The following TRPM6 variants were observed in gnomAD, a reference collection of about 807,000 sequenced individuals.
TRPM6 encodes channel kinase 2.
Under a neutral mutation model 247.6 loss-of-function variants are expected in TRPM6, and 111 were observed. The ratio of observed to expected loss-of-function variants is 0.45; its 90% CI spans 0.38 to 0.52. The LOEUF is 0.52. Among genes scored for constraint, TRPM6 ranks in the 20% least tolerant of loss-of-function variants. The pLI is 0.00. For synonymous variants in TRPM6, 892 were observed against 853.8 expected, an observed-to-expected ratio of 1.04 and a Z score of -0.78; for missense variants, 2,126 against 2,421.5, an observed-to-expected ratio of 0.88 and a Z score of 2.56.
chr9:74,761,781 T>C lies in TRPM6; in HGVS notation c.4700A>G (p.Gln1567Arg), dbSNP rs147001953. ...CATTTTCGCTTTGACCCATGCTCCC[T>C]GCCCTATTTCTGAAGAGCCTGAAAG... ...KNLSGSSEIG[Q>R]GAWVKAKMLT... The change falls in exon 27 of 39, where the codon CAG becomes CGG. Residue 1567 changes from glutamine to arginine, a missense_variant. This residue lies in a region of TRPM6 where 717 missense variants were observed against 715.9 expected (regional missense o/e 1.00). Transcript: ENST00000360774. The C allele has an allele frequency of 8.7e-6, 14 of 1,613,896 alleles. No homozygotes were observed. The East Asian group carries it at 1.8e-4, about 21-fold the overall frequency.
At chr9:74,882,447 A>G (rs1002276100) in intron 1 of TRPM6, among the ~76,000 whole-genome samples, 24 of 152,238 alleles carry the variant, frequency 1.6e-4, no homozygotes, top group African/African-American at 5.5e-4. Context: ...AGAGTGGGCA[A>G]AGGACATGAA....
intron 3 of TRPM6, among the ~76,000 whole-genome samples, chr9:74,846,982 C>T (rs1459584234): frequency 6.6e-6 from 1 of 152,152 alleles, no homozygotes; most frequent in African/African-American, 2.4e-5. Flanking sequence ...CCACACATGG[C>T]TCCATGCACT....
intron 21 of TRPM6, among the ~76,000 whole-genome samples, chr9:74,784,520 A>G (rs1283108192): frequency 1.3e-5 from 2 of 152,166 alleles, no homozygotes; most frequent in African/African-American, 4.8e-5. Context: ...GGCCTATAGT[A>G]AGCACGATTT....
At position 74,858,603 on chromosome 9, in the gene TRPM6, A is replaced by C; in HGVS notation, c.113+66T>G. 3 of 1,001,930 alleles carry C rather than the reference A, an allele frequency of 3.0e-6. No individual in the cohort carries two copies. The South Asian group carries it at 4.5e-5, about 15-fold the overall frequency. 62.1% of individuals were successfully genotyped at this position (1,001,930 alleles called of 1,614,324 possible). ...AAACTTCTAAACAAGTCATATTTCT[A>C]AGTTTCTATAAATAGTCCATCAGGT... On this transcript the variant is annotated intron_variant, in intron 2 of 38. Transcript: ENST00000360774.
Position 74,812,491 on chromosome 9 carries a change from G to T in TRPM6, c.1309-58C>A, listed in dbSNP as rs184204693. 8 of 1,451,298 alleles carry T rather than the reference G, an allele frequency of 5.5e-6. No homozygotes were observed. The Admixed American group carries it at 1.1e-4, about 20-fold the overall frequency. 89.9% of individuals were successfully genotyped at this position (1,451,298 alleles called of 1,614,324 possible). On this transcript the variant is annotated intron_variant, in intron 11 of 38. Coordinates refer to ENST00000360774, the MANE Select transcript of TRPM6 (RefSeq NM_017662.5). ...AATTAAGAAAGTAGAAATAACTAAA[G>T]AATTACATGTTTTTGAACTCAAAAT...
chr9:74,852,616 C>G (rs1355968005), intron 3 of TRPM6, among the ~76,000 whole-genome samples: 2 of 152,172 alleles, frequency 1.3e-5, no homozygotes, highest in African/African-American at 2.4e-5. Context: ...CTCAGCCTGC[C>G]GAGTGCCTGG....
chr9:74,762,632 C>A lies in TRPM6; in HGVS notation c.4039G>T (p.Val1347Phe). 6.2e-7 allele frequency: 1 copy of A among 1,614,122 alleles called. No homozygotes were observed. The change falls in exon 26 of 39, where the codon GTC (valine) becomes TTC (phenylalanine). Residue 1347 changes from valine (V) to phenylalanine (F), a missense_variant. This residue lies in a region of TRPM6 where 717 missense variants were observed against 715.9 expected (regional missense o/e 1.00). Transcript: ENST00000360774. ...GGAACTCGCTTTAGATTAGAGGGGACCAGAAGAAACTGGCCATACTTTGAG... is the reference window on the plus strand; with the variant it reads ...GGAACTCGCTTTAGATTAGAGGGGAACAGAAGAAACTGGCCATACTTTGAG... ...AHSKYGQFLL[V>F]PSNLKRVPFS...
intron 29 of TRPM6, among the ~76,000 whole-genome samples, chr9:74,751,209 T>C (rs1452935191): frequency 4.6e-5 from 7 of 152,212 alleles, no homozygotes; most frequent in African/African-American, 1.4e-4. Context: ...TTTGATTTCC[T>C]ACTCAAATTC....
intron 1 of TRPM6, among the ~76,000 whole-genome samples, chr9:74,881,149 T>G (rs953146594): frequency 1.3e-5 from 2 of 151,650 alleles, no homozygotes; most frequent in Non-Finnish European, 2.9e-5. Context: ...TTTTTTTAAT[T>G]GAAAAAAAAG....
chr9:74,738,418 A>G lies in TRPM6; in HGVS notation c.5765T>C (p.Leu1922Ser). Residue 1922 changes from leucine to serine, a missense_variant, in exon 36 of 39, where the codon TTA (leucine) becomes TCA (serine). Leu to Ser is a moderately radical substitution (Grantham distance 145, BLOSUM62 -2). Around this residue, in one of 3 missense-constraint regions of TRPM6, gnomAD observed 327 missense variants for 397.7 expected, o/e 0.82. Coordinates refer to ENST00000360774, the MANE Select transcript of TRPM6 (RefSeq NM_017662.5). ...ACATCATCAATCACCTTGCAAATCT[A>G]AAACCAGCAGCTCTCCCCGAGTGTA... ...YEYTRGELLV[L>S]DLQGVGENLT... 6.2e-7 allele frequency: 1 copy of G among 1,613,908 alleles called. No homozygotes were observed. The highest frequency in any genetic ancestry group is 8.5e-7 in the Non-Finnish European group (1 of 1,179,928).
At chr9:74,746,107 T>G (rs1210837004) in intron 31 of TRPM6, among the ~76,000 whole-genome samples, 1 of 151,822 alleles carries the variant, frequency 6.6e-6, no homozygotes, top group Admixed American at 6.6e-5. Context: ...CCGGGCGTGG[T>G]GGGTTCCTGT....
chr9:74,784,242 A>C (rs902335256), intron 21 of TRPM6, among the ~76,000 whole-genome samples: 10 of 150,980 alleles, frequency 6.6e-5, no homozygotes, highest in Non-Finnish European at 5.9e-5. Context: ...CAGCCTGGAC[A>C]ACAGAGCAAG....
chr9:74,881,177 C>G (rs528627961), intron 1 of TRPM6, among the ~76,000 whole-genome samples: 4 of 151,880 alleles, frequency 2.6e-5, no homozygotes, highest in Non-Finnish European at 5.9e-5. Context: ...TATATGCTAC[C>G]TGTAAGAAAC....
chr9:74,868,371 T>C (rs900376962), intron 1 of TRPM6, among the ~76,000 whole-genome samples: 2 of 151,858 alleles, frequency 1.3e-5, no homozygotes, highest in Non-Finnish European at 2.9e-5. Context: ...GGTGCATGCC[T>C]GTAATCCCAG....
chr9:74,725,857 A>G (rs1388132610), intron 38 of TRPM6, among the ~76,000 whole-genome samples: 8 of 152,218 alleles, frequency 5.3e-5, no homozygotes, highest in Admixed American at 5.2e-4. Flanking sequence ...TTCAATCTTC[A>G]CACAAACTTT....
At chr9:74,843,243 C>T (rs1319509466) in intron 3 of TRPM6, among the ~76,000 whole-genome samples, 2 of 152,168 alleles carry the variant, frequency 1.3e-5, no homozygotes, top group African/African-American at 4.8e-5. Flanking sequence ...CAGTTTTAAT[C>T]GTAGATGTCT....
intron 1 of TRPM6, among the ~76,000 whole-genome samples, chr9:74,871,543 A>G (rs9650770): frequency 0.31 from 46,440 of 152,030 alleles, 7,610 homozygotes; most frequent in Middle Eastern, 0.5. Flanking sequence ...GCACCTGGTC[A>G]TGTATATATA....
chr9:74,790,813 A>G (rs904987780), intron 19 of TRPM6, among the ~76,000 whole-genome samples: 10 of 152,230 alleles, frequency 6.6e-5, no homozygotes, highest in African/African-American at 2.2e-4. Context: ...ATTCAGATTG[A>G]GAAAGCAGCA....
chr9:74,808,043 T>C lies in TRPM6; in HGVS notation c.1629A>G (p.Arg543=). Residue 543 remains arginine, a synonymous_variant, in exon 14 of 39, where the codon AGA becomes AGG. Coordinates refer to ENST00000360774, the MANE Select transcript of TRPM6 (RefSeq NM_017662.5). ...HFRALYNNLY[R]KYKHQRHSSG... ...TTTTCAATTACTCTACCTTGTATTT[T>C]CTGTAGAGGTTGTTGTAGAGGGCTC... 1 of 1,613,940 alleles carries C rather than the reference T, an allele frequency of 6.2e-7. No homozygotes were observed. The highest frequency in any genetic ancestry group is 1.1e-5 in the South Asian group (1 of 91,078).
Sources: gnomAD v4.1 joint callset for allele counts (sites outside exome capture counted in the v4.1 genomes callset) on GRCh38, gnomAD v4.1.1 for gene constraint, gnomAD v4.1.1 regional missense constraint, MANE v1.5 for transcripts, NCBI Gene and HGNC (gene_info 2026-07-23, HGNC 2026-07-21) for gene names.